The following RAD51D variants were observed in gnomAD, a reference collection of about 807,000 sequenced individuals.
RAD51D encodes DNA repair protein RAD51 homolog 4.
RAD51D carries 38 observed loss-of-function variants against 44.1 expected under a neutral mutation model. The observed-to-expected ratio is 0.86, with a 90% confidence interval of 0.67 to 1.13. The LOEUF (loss-of-function observed/expected upper bound fraction) is 1.13. Among genes scored for constraint, RAD51D ranks in the 50% most tolerant of loss-of-function variants. The pLI is 0.00. For synonymous variants in RAD51D, 141 were observed against 166.6 expected (o/e 0.85, Z 1.18); for missense variants, 390 against 414.0 (o/e 0.94, Z 0.50).
At chr17:35,104,061 G>A (rs952702554) in intron 6 of RAD51D, among the ~76,000 whole-genome samples, 5 of 152,160 alleles carry the variant, frequency 3.3e-5, no homozygotes, top group Non-Finnish European at 7.3e-5. Flanking sequence ...CTGGGCGACA[G>A]AGCAAGACTC....
At chr17:35,102,520 T>C (rs2091551805) in intron 8 of RAD51D, among the ~76,000 whole-genome samples, 1 of 151,684 alleles carries the variant, frequency 6.6e-6, no homozygotes, top group Non-Finnish European at 1.5e-5. Flanking sequence ...ATACCAACAC[T>C]TTGGGAGGCT....
In RAD51D at chr17:35,118,562, C is replaced by T. The variant is rs775045445; in HGVS notation, c.202G>A (p.Gly68Ser). The change falls in exon 3 of 10, where the codon GGC (glycine) becomes AGC (serine). Residue 68 changes from glycine to serine, a missense_variant. Physicochemically the swap from Gly to Ser is moderately conservative, Grantham distance 56 (BLOSUM62 0). Coordinates refer to ENST00000345365, the MANE Select transcript of RAD51D (RefSeq NM_002878.4). ...TTCAGTTCCTCGTAGAGATCAGCGC[C>T]ATTCACGGGGAAAGCCGAGAACTGA... is the stretch of plus-strand genomic sequence containing the variant. Reference protein sequence around the residue: ...LAQFSAFPVNGADLYEELKTS... With the variant: ...LAQFSAFPVNSADLYEELKTS... 35 of 1,614,082 alleles carry T rather than the reference C, an allele frequency of 2.2e-5. No individual in the cohort carries two copies. Among genetic ancestry groups the T allele is most frequent in the Non-Finnish European group, 3.0e-5 (35 of 1,180,056 alleles).
chr17:35,101,740 A>G (rs997394552), intron 8 of RAD51D, among the ~76,000 whole-genome samples: 1 of 152,192 alleles, frequency 6.6e-6, no homozygotes, highest in Non-Finnish European at 1.5e-5. Context: ...AAAGTCTGAC[A>G]CATGCTACAA....
rs2142412723 is a variant in RAD51D, at chr17:35,101,380, G to C, written c.739-15C>G. 1.9e-6 allele frequency: 3 copies of C among 1,612,294 alleles called. No individual in the cohort carries two copies. Among genetic ancestry groups the C allele is most frequent in the Non-Finnish European group, 2.5e-6 (3 of 1,179,612 alleles). On this transcript the variant is annotated splice_polypyrimidine_tract_variant and intron_variant, in intron 8 of 9. Transcript: ENST00000345365. ...TGGTTGGTCACCTGCAGCAGAAACAGACTTACAGATCCATAATGCTAGTAT... is the reference window on the plus strand; with the variant it reads ...TGGTTGGTCACCTGCAGCAGAAACACACTTACAGATCCATAATGCTAGTAT...
intron 3 of RAD51D, among the ~76,000 whole-genome samples, chr17:35,109,609 G>A (rs1389988324): frequency 1.3e-5 from 2 of 151,338 alleles, no homozygotes; most frequent in African/African-American, 4.8e-5. Context: ...TTTCTGATAG[G>A]TATGAAATAA....
chr17:35,106,208 T>G, intron 6 of RAD51D, 178 bp downstream of exon 6: 1 of 744,190 alleles, frequency 1.3e-6, no homozygotes, highest in South Asian at 1.4e-5. Context: ...GATGAACATG[T>G]AAACAATGAG....
chr17:35,099,565 AC>A lies in RAD51D; in HGVS notation c.*1387del, dbSNP rs1287885942. On this transcript the variant is annotated 3_prime_UTR_variant, in exon 10 of 10. Transcript: ENST00000345365. ...GATTCCCCCAGGCTTAGGCTTACCA[AC>A]CCTGTCCTGAATCCAACACCCTGGT... 8.9e-6 allele frequency: 3 copies of A among 335,966 alleles called. No individual in the cohort carries two copies. The highest frequency in any genetic ancestry group is 2.1e-5 in the African/African-American group (1 of 46,638). 20.8% of individuals were successfully genotyped at this position (335,966 alleles called of 1,614,324 possible).
intron 6 of RAD51D, chr17:35,106,112 A>T: frequency 1.7e-6 from 1 of 605,164 alleles, no homozygotes. Flanking sequence ...TGCAGCTAAA[A>T]GTATTCCTCA....
rs1370689179 is a variant in RAD51D, at chr17:35,092,583, G to GA, written c.*8369dup. ...TTACCTTGTCCAAGTAACTCGGCCA[G>GA]AAAGGGACTAGCAGGGTTTTGAACT... On this transcript the variant is annotated 3_prime_UTR_variant, in exon 10 of 10. Transcript: ENST00000345365. 1 of 152,252 alleles carries GA rather than the reference G, an allele frequency of 6.6e-6. No individual in the cohort carries two copies. Among genetic ancestry groups the GA allele is most frequent in the Non-Finnish European group, 1.5e-5 (1 of 68,050 alleles). 9.4% of individuals were successfully genotyped at this position (152,252 alleles called of 1,614,324 possible).
chr17:35,107,520 A>C, intron 3 of RAD51D, 73 bp from the exon 4 acceptor site: 1 of 1,209,318 alleles, frequency 8.3e-7, no homozygotes, highest in Admixed American at 1.7e-5. Flanking sequence ...CAAGAAGAAA[A>C]GTAAGACATT....
intron 8 of RAD51D, 73 bp from the exon 9 acceptor site, chr17:35,101,438 G>C (rs112989008): frequency 1.3e-6 from 2 of 1,521,122 alleles, no homozygotes; most frequent in Non-Finnish European, 1.8e-6. Context: ...TTCATTTTAC[G>C]GAGAGGAAAA....
chr17:35,103,119 G>A lies in RAD51D; in HGVS notation c.738+135C>T, dbSNP rs2091558209. 2.5e-6 allele frequency: 2 copies of A among 795,716 alleles called. No homozygotes were observed. Among genetic ancestry groups the A allele is most frequent in the Non-Finnish European group, 2.2e-6 (1 of 459,376 alleles). The allele number at this position is 795,716 out of a possible 1,614,324, so 49.3% of individuals were successfully genotyped here. ...CCTTAGCTATTTATGGTGCAAAGCT[G>A]TAGCTGACCCAGGGAAGCTGGGATA... is the stretch of plus-strand genomic sequence containing the variant. On this transcript the variant is annotated intron_variant, in intron 8 of 9. Transcript: ENST00000345365. This position sits in a 1 kb window ranked among gnomAD's most constrained non-coding sequence, Gnocchi z 4.1.
chr17:35,106,990 G>C lies in RAD51D; in HGVS notation c.478C>G (p.Gln160Glu), dbSNP rs1057521922. 1 of 1,614,188 alleles carries C rather than the reference G, an allele frequency of 6.2e-7. No homozygotes were observed. The highest frequency in any genetic ancestry group is 8.5e-7 in the Non-Finnish European group (1 of 1,180,038). The change falls in exon 5 of 10, where the codon CAG becomes GAG. Residue 160 changes from glutamine (Q) to glutamate (E), a missense_variant and splice_region_variant. Gln to Glu is a conservative substitution (Grantham distance 29, BLOSUM62 2). Coordinates refer to ENST00000345365, the MANE Select transcript of RAD51D (RefSeq NM_002878.4). ...LQAKTQDEEEQAEALRRIQVV... is the reference protein window; with the variant it reads ...LQAKTQDEEEEAEALRRIQVV... Reference sequence around the variant, plus strand: ...GGAACCCAGCATCCTGCCCTTACCTGTTCCTCCTCATCCTGGGTTTTAGCC... The same window carrying C: ...GGAACCCAGCATCCTGCCCTTACCTCTTCCTCCTCATCCTGGGTTTTAGCC...
chr17:35,112,926 A>C (rs2091695262), intron 3 of RAD51D, among the ~76,000 whole-genome samples: 1 of 152,212 alleles, frequency 6.6e-6, no homozygotes, highest in Non-Finnish European at 1.5e-5. Context: ...CCCAATAATC[A>C]TTCCAGAAAA....
intron 3 of RAD51D, among the ~76,000 whole-genome samples, chr17:35,114,416 G>C (rs1163609899): frequency 1.3e-5 from 2 of 152,078 alleles, no homozygotes; most frequent in Non-Finnish European, 2.9e-5. Flanking sequence ...AGGCATGGTG[G>C]CTCATACCTG....
rs2091489818 is a variant in RAD51D, at chr17:35,096,982, T to C, written c.*3971A>G. On this transcript the variant is annotated 3_prime_UTR_variant, in exon 10 of 10. Transcript: ENST00000345365. ...CTTGGGAATTCAAATGCCTGATTTT[T>C]AATTAAGGCCATCAAGTGCTAGCAC... is the stretch of plus-strand genomic sequence containing the variant. 1 of 152,200 alleles carries C rather than the reference T, an allele frequency of 6.6e-6. No homozygotes were observed. Among genetic ancestry groups the C allele is most frequent in the Non-Finnish European group, 1.5e-5 (1 of 68,032 alleles). 9.4% of individuals were successfully genotyped at this position (152,200 alleles called of 1,614,324 possible). A position where few individuals can be genotyped will look rare whatever the true frequency, so the allele number is the denominator to read the frequency against.
rs1336102568 is a variant in RAD51D at position 35,097,525 on chromosome 17, ATATATATATGTATATGT to A, written c.*3411_*3427del. 1 of 150,864 alleles carries A rather than the reference ATATATATATGTATATGT, an allele frequency of 6.6e-6. No homozygotes were observed. Among genetic ancestry groups the A allele is most frequent in the African/African-American group, 2.4e-5 (1 of 41,026 alleles). The allele number at this position is 150,864 out of a possible 1,614,324, so 9.3% of individuals were successfully genotyped here. A position where few individuals can be genotyped will look rare whatever the true frequency, so the allele number is the denominator to read the frequency against. On this transcript the variant is annotated 3_prime_UTR_variant, in exon 10 of 10. Transcript: ENST00000345365. ...TGTGTGTGTGTGTGTGTGTATATATATATATATATGTATATGTATATGTATATTTTTTTCCTAAGAAC... is the reference window on the plus strand; with the variant it reads ...TGTGTGTGTGTGTGTGTGTATATATAATATGTATATTTTTTTCCTAAGAAC...
At chr17:35,117,297 A>G (rs1157734916) in intron 3 of RAD51D, among the ~76,000 whole-genome samples, 1 of 152,212 alleles carries the variant, frequency 6.6e-6, no homozygotes, top group African/African-American at 2.4e-5. Flanking sequence ...AGCAAGCACC[A>G]CACTGCATGA....
At chr17:35,111,316 T>C (rs1158872859) in intron 3 of RAD51D, among the ~76,000 whole-genome samples, 2 of 149,358 alleles carry the variant, frequency 1.3e-5, no homozygotes, top group Non-Finnish European at 3.0e-5. Context: ...ATCACGCCAT[T>C]GCACTCCAGG....
Sources: gnomAD v4.1 joint callset for allele counts (sites outside exome capture counted in the v4.1 genomes callset) on GRCh38, gnomAD v4.1.1 for gene constraint, Gnocchi (gnomAD v3.1) non-coding constraint, MANE v1.5 for transcripts, NCBI Gene and HGNC (gene_info 2026-07-23, HGNC 2026-07-21) for gene names.